Variants in GDAP2 observed in about 807,000 individuals in gnomAD.
GDAP2 encodes the protein ganglioside-induced differentiation-associated protein 2.
A neutral mutation model predicts 67.0 loss-of-function variants in GDAP2; 51 were observed. The observed-to-expected ratio is 0.76, with a 90% CI of 0.61 to 0.96. The LOEUF is 0.96. Among genes scored for constraint, GDAP2 ranks in the 40% least tolerant of loss-of-function variants. GDAP2 has a pLI of 0.00. For synonymous variants in GDAP2, 203 were observed against 207.3 expected (o/e 0.98, Z 0.18); for missense variants, 547 against 588.3 (o/e 0.93, Z 0.73).
At chr1:117,928,547 A>C (rs1028482373) in intron 1 of GDAP2, among the ~76,000 whole-genome samples, 1 of 152,210 alleles carries the variant, frequency 6.6e-6, no homozygotes, top group African/African-American at 2.4e-5. Flanking sequence ...TCATTTATCC[A>C]ATACACAGCA....
At chr1:117,886,772 T>C in intron 9 of GDAP2, 119 bp from the exon 10 acceptor site, 4 of 631,198 alleles carry the variant, frequency 6.3e-6, no homozygotes, top group Non-Finnish European at 1.1e-5. Context: ...CAAGGAAGTA[T>C]AAGTTGCTCA....
chr1:117,916,707 C>G (rs183168726), intron 3 of GDAP2, among the ~76,000 whole-genome samples: 4 of 151,982 alleles, frequency 2.6e-5, no homozygotes, highest in East Asian at 3.9e-4. Flanking sequence ...TAAGAAAAAG[C>G]GAAGTGTTAA....
intron 6 of GDAP2, among the ~76,000 whole-genome samples, chr1:117,900,528 G>A (rs1052734703): frequency 6.6e-6 from 1 of 152,194 alleles, no homozygotes; most frequent in African/African-American, 2.4e-5. Flanking sequence ...AGCATTCTAG[G>A]AGGCTGAGGT....
chr1:117,900,595 G>A lies in GDAP2; in HGVS notation c.637-1379C>T, dbSNP rs745329814. Among the ~76,000 whole-genome samples the A allele has an allele frequency of 3.3e-5, 5 of 152,012 alleles. No individual in the cohort carries two copies. In the East Asian group the frequency reaches 5.8e-4, roughly 18 times the overall value. ...AACCTGACCAACATGGTGAAACCCC[G>A]TCTCTACTAAAATATAAAAAATTAC... On this transcript the variant is annotated intron_variant, in intron 6 of 13. Coordinates refer to ENST00000369443, the MANE Select transcript of GDAP2 (RefSeq NM_017686.4).
chr1:117,904,889 A>T (rs902864534), intron 6 of GDAP2, among the ~76,000 whole-genome samples: 3 of 152,172 alleles, frequency 2.0e-5, no homozygotes, highest in African/African-American at 7.2e-5. Flanking sequence ...CTAAGACTCA[A>T]CGTGTTCAGA....
chr1:117,916,969 G>A (rs921679580), intron 3 of GDAP2, among the ~76,000 whole-genome samples: 1 of 151,824 alleles, frequency 6.6e-6, no homozygotes, highest in African/African-American at 2.4e-5. Context: ...GGGAGGCGGA[G>A]GTTGTGGTGA....
chr1:117,916,655 T>A (rs1286597272), intron 3 of GDAP2, among the ~76,000 whole-genome samples: 1 of 152,120 alleles, frequency 6.6e-6, no homozygotes, highest in Non-Finnish European at 1.5e-5. Context: ...GAAATAGATT[T>A]AAGATTAATT....
chr1:117,870,529 G>A lies in GDAP2; in HGVS notation c.*40C>T. 7.8e-7 allele frequency: 1 copy of A among 1,280,846 alleles called. No individual in the cohort carries two copies. Among genetic ancestry groups the A allele is most frequent in the South Asian group, 1.2e-5 (1 of 84,404 alleles). 79.3% of individuals were successfully genotyped at this position (1,280,846 alleles called of 1,614,324 possible). A position where few individuals can be genotyped will look rare whatever the true frequency, so the allele number is the denominator to read the frequency against. On this transcript the variant is annotated 3_prime_UTR_variant, in exon 14 of 14. Transcript: ENST00000369443. ...CAACAGGTAGCTATTCGTGGAGGAA[G>A]TGGCATCCTGGGAACCAAGAAGCAC...
intron 1 of GDAP2, among the ~76,000 whole-genome samples, chr1:117,924,459 A>C (rs1201057833): frequency 6.6e-6 from 1 of 152,192 alleles, no homozygotes; most frequent in African/African-American, 2.4e-5. Context: ...AAAGGACATG[A>C]TCTCATGAAG....
intron 2 of GDAP2, among the ~76,000 whole-genome samples, chr1:117,919,347 C>T (rs1650161540): frequency 1.3e-5 from 2 of 148,762 alleles, no homozygotes; most frequent in Non-Finnish European, 3.0e-5. Context: ...GCACTCCAGC[C>T]TGGGCGACAG....
rs569139613 is a variant in GDAP2 at position 117,920,075 on chromosome 1, G to A, written c.176+107C>T. On this transcript the variant is annotated intron_variant, in intron 2 of 13. Coordinates refer to ENST00000369443, the MANE Select transcript of GDAP2 (RefSeq NM_017686.4). ...ATTATACCTCAATAAAGTCATATAC[G>A]TATACGCAAAGCTGTATTTCAACAA... 4.1e-4 allele frequency: 264 copies of A among 645,484 alleles called. 3 individuals carry two copies. The South Asian group carries it at 5.2e-3, about 13-fold the overall frequency. 40.0% of individuals were successfully genotyped at this position (645,484 alleles called of 1,614,324 possible).
chr1:117,919,897 G>A (rs1180404133), intron 2 of GDAP2, among the ~76,000 whole-genome samples: 2 of 151,808 alleles, frequency 1.3e-5, no homozygotes, highest in African/African-American at 2.4e-5. Context: ...GGAGGGAAGG[G>A]CAGGAAGGAG....
At chr1:117,908,287 A>G (rs1649727989) in intron 5 of GDAP2, among the ~76,000 whole-genome samples, 1 of 152,092 alleles carries the variant, frequency 6.6e-6, no homozygotes, top group Non-Finnish European at 1.5e-5. Flanking sequence ...TTTGGGGCCT[A>G]GCACACCTTA....
intron 13 of GDAP2, among the ~76,000 whole-genome samples, chr1:117,874,919 A>G (rs1017162086): frequency 2.0e-5 from 3 of 152,184 alleles, no homozygotes; most frequent in Non-Finnish European, 2.9e-5. Flanking sequence ...CTGGTACCCT[A>G]CGGTATCTGC....
At chr1:117,920,886 A>T (rs1483687759) in intron 1 of GDAP2, among the ~76,000 whole-genome samples, 2 of 152,216 alleles carry the variant, frequency 1.3e-5, no homozygotes, top group Non-Finnish European at 2.9e-5. Flanking sequence ...AAGAGATGAT[A>T]AAGGTTTCAA....
At chr1:117,884,145 C>T (rs1001820145) in intron 10 of GDAP2, among the ~76,000 whole-genome samples, 6 of 152,092 alleles carry the variant, frequency 3.9e-5, no homozygotes, top group East Asian at 3.8e-4. Context: ...ACATGATTCA[C>T]GTTGAGAGCT....
At chr1:117,910,812 A>T (rs1055471202) in intron 5 of GDAP2, among the ~76,000 whole-genome samples, 2 of 152,214 alleles carry the variant, frequency 1.3e-5, no homozygotes, top group Non-Finnish European at 2.9e-5. Context: ...AGTGGGACCA[A>T]CATTTTCTTC....
At chr1:117,922,660 C>G (rs1245863920) in intron 1 of GDAP2, among the ~76,000 whole-genome samples, 1 of 152,122 alleles carries the variant, frequency 6.6e-6, no homozygotes, top group African/African-American at 2.4e-5. Flanking sequence ...TTTTTATTAG[C>G]AATTTTCAAA....
chr1:117,905,520 G>A (rs1027616912), intron 6 of GDAP2, among the ~76,000 whole-genome samples: 1 of 151,918 alleles, frequency 6.6e-6, no homozygotes, highest in Non-Finnish European at 1.5e-5. Context: ...TCCTAACCCC[G>A]TGCCAGGCTA....
Sources: allele counts gnomAD v4.1 joint callset (sites outside exome capture counted in the v4.1 genomes callset), GRCh38; gene constraint gnomAD v4.1.1; transcripts MANE v1.5; gene names NCBI Gene and HGNC (gene_info 2026-07-23, HGNC 2026-07-21).